ERICH2: variants seen among roughly 807,000 people sequenced by gnomAD.
ERICH2 encodes the protein glutamate-rich protein 2.
Under a neutral mutation model 17.4 loss-of-function variants are expected in ERICH2, and 17 were observed. The ratio of observed to expected loss-of-function variants is 0.98; its 90% CI spans 0.67 to 1.47. The LOEUF (loss-of-function observed/expected upper bound fraction) is 1.47. Among genes scored for constraint, ERICH2 ranks in the 40% most tolerant of loss-of-function variants. ERICH2 has a pLI of 0.00. For missense variants in ERICH2, 186 were observed against 183.2 expected (o/e 1.01, Z -0.09); for synonymous variants, 51 against 61.1 (o/e 0.83, Z 0.77).
intron 2 of ERICH2, among the ~76,000 whole-genome samples, chr2:170,790,136 A>ACAATAT (rs1701251950): frequency 6.6e-6 from 1 of 152,224 alleles, no homozygotes; most frequent in South Asian, 2.1e-4. Context: ...AATAACAATA[A>ACAATAT]CAAATTAAAA....
Position 170,784,847 on chromosome 2 carries a change from G to T in ERICH2, c.216+14G>T. The T allele has an allele frequency of 7.0e-7, 1 of 1,425,616 alleles. No individual in the cohort carries two copies. The highest frequency in any genetic ancestry group is 9.2e-7 in the Non-Finnish European group (1 of 1,086,796). 88.3% of individuals were successfully genotyped at this position (1,425,616 alleles called of 1,614,324 possible). A position where few individuals can be genotyped will look rare whatever the true frequency, so the allele number is the denominator to read the frequency against. On this transcript the variant is annotated intron_variant, in intron 2 of 4. Coordinates refer to ENST00000409885, the Ensembl canonical transcript of ERICH2. Reference sequence around the variant, plus strand: ...TTAATGGCAGAAGTAAGTTTTACTTGTGCATATAATTGAAGAAACTTTAAA... The same window carrying T: ...TTAATGGCAGAAGTAAGTTTTACTTTTGCATATAATTGAAGAAACTTTAAA...
At chr2:170,772,164 C>T in the ERICH2 span, among the ~76,000 whole-genome samples, 2 of 152,142 alleles carry the variant, frequency 1.3e-5, no homozygotes, top group African/African-American at 2.4e-5. Flanking sequence ...TATTTCATTG[C>T]ACCCACTCCA....
rs891742739 is a variant in ERICH2, at chr2:170,784,795, A to G, written c.178A>G (p.Lys60Glu). ...AGATGATGATGAAGATAGTAACCCT[A>G]AAAAGAATACTCAGGCCCCACTAGA... Residue 60 changes from lysine (K) to glutamate (E), a missense_variant, in exon 2 of 5, where the codon AAA becomes GAA. Coordinates refer to ENST00000409885, the Ensembl canonical transcript of ERICH2. 5.9e-6 allele frequency: 9 copies of G among 1,534,090 alleles called. No individual in the cohort carries two copies. In the African/African-American group the frequency reaches 1.1e-4, roughly 19 times the overall value.
At chr2:170,782,068 A>G (rs981582243), upstream of ERICH2, among the ~76,000 whole-genome samples, 1 of 152,230 alleles carries the variant, frequency 6.6e-6, no homozygotes, top group African/African-American at 2.4e-5. Flanking sequence ...TAGAATTTTA[A>G]TCATTGTAAA....
At chr2:170,776,801 G>A in the ERICH2 span, among the ~76,000 whole-genome samples, 1 of 151,520 alleles carries the variant, frequency 6.6e-6, no homozygotes, top group Admixed American at 6.6e-5. Flanking sequence ...AGGTTTGGGG[G>A]TACGTGTGAA....
intron 2 of ERICH2, among the ~76,000 whole-genome samples, chr2:170,790,598 G>A (rs1283413204): frequency 6.6e-6 from 1 of 152,174 alleles, no homozygotes; most frequent in Non-Finnish European, 1.5e-5. Context: ...CTGCACTCCA[G>A]CCTGGGGGAT....
intron 2 of ERICH2, among the ~76,000 whole-genome samples, chr2:170,787,980 T>C (rs1701195164): frequency 6.6e-6 from 1 of 152,236 alleles, no homozygotes; most frequent in Non-Finnish European, 1.5e-5. Context: ...TATTACTCCA[T>C]CAGGGCCGAA....
the ERICH2 span, chr2:170,770,978 C>T: frequency 2.1e-5 from 3 of 143,228 alleles, no homozygotes; most frequent in African/African-American, 7.6e-5. Flanking sequence ...TGCCCCTGCC[C>T]CCGCCCCCGC....
At chr2:170,784,767 T>C in exon 2 of ERICH2, 1 of 1,544,352 alleles carries the variant, frequency 6.5e-7, no homozygotes, top group South Asian at 1.2e-5. Context: ...ATACCAATGA[T>C]GAAGATGATG....
chr2:170,774,021 C>G, the ERICH2 span, among the ~76,000 whole-genome samples: 1 of 152,246 alleles, frequency 6.6e-6, no homozygotes, highest in East Asian at 1.9e-4. Flanking sequence ...GACACCTGAC[C>G]CAAATACCTG....
At chr2:170,779,989 T>A, upstream of ERICH2, 1 of 344,088 alleles carries the variant, frequency 2.9e-6, no homozygotes, top group Non-Finnish European at 4.1e-6. Flanking sequence ...ATTATTTCAG[T>A]AGAAGTTTTG....
intron 2 of ERICH2, among the ~76,000 whole-genome samples, chr2:170,789,715 C>T (rs1271114004): frequency 6.6e-6 from 1 of 152,160 alleles, no homozygotes; most frequent in East Asian, 1.9e-4. Flanking sequence ...AAAAACAACA[C>T]ATAGGTCAAT....
intron 1 of ERICH2, chr2:170,783,923 CT>C: frequency 6.5e-7 from 1 of 1,549,814 alleles, no homozygotes; most frequent in Non-Finnish European, 8.7e-7. Context: ...CTTGATATTC[CT>C]TTTCAGGGTA....
At chr2:170,771,065 C>T in the ERICH2 span, 1 of 153,148 alleles carries the variant, frequency 6.5e-6, no homozygotes, top group African/African-American at 2.4e-5. This position sits in a 1 kb window ranked among gnomAD's most constrained non-coding sequence, Gnocchi z 4.8. Flanking sequence ...CTCCACGCGC[C>T]GTGCAGTCTC....
chr2:170,791,527 T>A (rs1285165081), intron 2 of ERICH2, among the ~76,000 whole-genome samples: 3 of 121,576 alleles, frequency 2.5e-5, no homozygotes, highest in Non-Finnish European at 3.5e-5. Flanking sequence ...CCGTCTCTAC[T>A]AAAAAAAAAA....
chr2:170,778,550 GT>G, the ERICH2 span, among the ~76,000 whole-genome samples: 1 of 151,796 alleles, frequency 6.6e-6, no homozygotes, highest in South Asian at 2.1e-4. Flanking sequence ...TATAATACAT[GT>G]TTTTATATTA....
At chr2:170,784,562 T>C (rs1002789735) in intron 1 of ERICH2, 84 bp from the exon 7 acceptor site, 1 of 644,296 alleles carries the variant, frequency 1.6e-6, no homozygotes. Flanking sequence ...TATATCAGTT[T>C]AATGAATAGT....
chr2:170,783,683 C>T (rs1012884729), upstream of ERICH2: 2 of 1,114,036 alleles, frequency 1.8e-6, no homozygotes, highest in Admixed American at 2.2e-5. Context: ...GGAAACTTCT[C>T]TCATGCTGCT....
chr2:170,770,929 G>T, the ERICH2 span, among the ~76,000 whole-genome samples: 1,085 of 145,038 alleles, frequency 7.5e-3, 20 homozygotes, highest in African/African-American at 0.026. Flanking sequence ...CCTACGGCCT[G>T]GGCCCGCCTC....
Sources: allele counts gnomAD v4.1 joint callset (sites outside exome capture counted in the v4.1 genomes callset), GRCh38; gene constraint gnomAD v4.1.1; non-coding constraint Gnocchi (gnomAD v3.1); transcripts MANE v1.5; gene names NCBI Gene and HGNC (gene_info 2026-07-23, HGNC 2026-07-21).